Variants in RBFOX1 observed in about 807,000 individuals in gnomAD.
RBFOX1 encodes the protein RNA binding protein fox-1 homolog 1.
In RBFOX1, 8 loss-of-function variants were observed where a neutral mutation model predicts 57.7. That is an observed-to-expected ratio of 0.14 (90% CI 0.08 to 0.25). The LOEUF (loss-of-function observed/expected upper bound fraction) is 0.25, where lower values mean the gene tolerates loss of function less well. Among genes scored for constraint, RBFOX1 ranks in the 10% least tolerant of loss-of-function variants. The pLI is 1.00. For synonymous variants in RBFOX1, 326 were observed against 222.4 expected (o/e 1.47, Z -4.15); for missense variants, 611 against 548.5 (o/e 1.11, Z -1.14).
In RBFOX1 at chr16:6,928,331, C is replaced by T. The variant is rs1001321585; in HGVS notation, c.-15-123726C>T. 5.9e-5 allele frequency among the ~76,000 whole-genome samples: 9 copies of T among 152,068 alleles called. No individual in the cohort carries two copies. The South Asian group carries it at 6.2e-4, about 11-fold the overall frequency. ...GGGACAAAGGCGATCTGGAGGAAGA[C>T]GGGGCGGGGAAAGAAAAGAGGAAAA... On this transcript the variant is annotated intron_variant, in intron 3 of 15. Transcript: ENST00000550418.
chr16:6,063,290 A>G (rs572773669), intron 1 of RBFOX1, among the ~76,000 whole-genome samples: 4 of 152,232 alleles, frequency 2.6e-5, no homozygotes, highest in East Asian at 3.9e-4. Context: ...TTGAGTTTCA[A>G]TTGAGTCTCC....
chr16:5,815,755 A>G (rs951780816), intron 3 of RBFOX1, among the ~76,000 whole-genome samples: 1 of 152,162 alleles, frequency 6.6e-6, no homozygotes, highest in Non-Finnish European at 1.5e-5. Context: ...AAATCACCCC[A>G]CGCTTCCGAA....
chr16:5,967,800 C>G (rs1002051035), intron 4 of RBFOX1, among the ~76,000 whole-genome samples: 6 of 152,256 alleles, frequency 3.9e-5, no homozygotes, highest in Admixed American at 3.3e-4. Flanking sequence ...TTATAATACT[C>G]AGACTACGTC....
intron 3 of RBFOX1, among the ~76,000 whole-genome samples, chr16:6,836,747 A>T (rs891433420): frequency 6.6e-6 from 1 of 152,162 alleles, no homozygotes; most frequent in Non-Finnish European, 1.5e-5. Flanking sequence ...TTATTTTCTT[A>T]AAGTATAACA....
At chr16:5,438,198 A>T (rs965809992) in intron 1 of RBFOX1, among the ~76,000 whole-genome samples, 1 of 152,212 alleles carries the variant, frequency 6.6e-6, no homozygotes, top group Non-Finnish European at 1.5e-5. Flanking sequence ...ACAAAACTAG[A>T]GGAAGGCTCA....
At chr16:6,091,142 T>G (rs1000410821) in intron 1 of RBFOX1, among the ~76,000 whole-genome samples, 1 of 152,210 alleles carries the variant, frequency 6.6e-6, no homozygotes, top group African/African-American at 2.4e-5. Context: ...TGTGGAACAT[T>G]AAAACTCACT....
intron 1 of RBFOX1, among the ~76,000 whole-genome samples, chr16:5,271,794 C>A (rs2063016021): frequency 6.6e-6 from 1 of 152,172 alleles, no homozygotes; most frequent in Non-Finnish European, 1.5e-5. Flanking sequence ...GTCCTACTCT[C>A]TATTTCTGTG....
intron 5 of RBFOX1, among the ~76,000 whole-genome samples, chr16:7,566,316 C>T (rs1354292522): frequency 6.6e-6 from 1 of 152,130 alleles, no homozygotes; most frequent in Non-Finnish European, 1.5e-5. Context: ...CACCTCACTG[C>T]TCTGTTTCCA....
At chr16:5,832,661 G>A (rs1250978216) in intron 3 of RBFOX1, among the ~76,000 whole-genome samples, 3 of 152,200 alleles carry the variant, frequency 2.0e-5, no homozygotes, top group Admixed American at 6.5e-5. Flanking sequence ...GTGTGCAATT[G>A]TGGGTCAATT....
At chr16:7,364,292 G>A (rs970403462) in intron 4 of RBFOX1, among the ~76,000 whole-genome samples, 1 of 151,984 alleles carries the variant, frequency 6.6e-6, no homozygotes, top group Non-Finnish European at 1.5e-5. Context: ...TATGAGATCT[G>A]TTTATCTTGC....
Position 5,294,492 on chromosome 16 carries a change from G to A in RBFOX1, c.219+54387G>A, listed in dbSNP as rs557134235. On this transcript the variant is annotated intron_variant, in intron 1 of 2. Coordinates refer to the RBFOX1 transcript ENST00000585867. ...ATCTTTGAGGGGTAATTTTTACAAT[G>A]CAGTCTAACAACCGGCTGCCTCAAA... 5.9e-5 allele frequency among the ~76,000 whole-genome samples: 9 copies of A among 152,176 alleles called. No homozygotes were observed. In the South Asian group the frequency reaches 1.9e-3, roughly 32 times the overall value.
At chr16:7,673,188 C>G (rs1169878078) in intron 13 of RBFOX1, among the ~76,000 whole-genome samples, 1 of 152,098 alleles carries the variant, frequency 6.6e-6, no homozygotes, top group South Asian at 2.1e-4. Flanking sequence ...CACTGTTTGG[C>G]CGGTAGAACA....
chr16:6,602,214 G>A (rs560083497), intron 2 of RBFOX1, among the ~76,000 whole-genome samples: 2 of 151,844 alleles, frequency 1.3e-5, no homozygotes, highest in Non-Finnish European at 2.9e-5. Flanking sequence ...TACATTCTCG[G>A]TATTCATTCC....
At chr16:6,457,438 TC>T (rs60318595) in intron 2 of RBFOX1, among the ~76,000 whole-genome samples, 21 of 54,230 alleles carry the variant, frequency 3.9e-4, no homozygotes, top group East Asian at 1.5e-3. Context: ...TTTCCGGAAG[TC>T]CCCCCCCCCG....
At chr16:5,705,151 C>G (rs933876782) in intron 3 of RBFOX1, among the ~76,000 whole-genome samples, 1 of 152,140 alleles carries the variant, frequency 6.6e-6, no homozygotes, top group Non-Finnish European at 1.5e-5. Flanking sequence ...TTCCTGCAAC[C>G]TTTGATCTTT....
intron 3 of RBFOX1, among the ~76,000 whole-genome samples, chr16:6,960,250 T>C (rs1271084711): frequency 6.6e-6 from 1 of 152,158 alleles, no homozygotes; most frequent in Middle Eastern, 3.2e-3. Context: ...GTAAATTTAC[T>C]GAGGCTGCAG....
chr16:5,952,351 A>T (rs927396586), intron 4 of RBFOX1, among the ~76,000 whole-genome samples: 1 of 151,970 alleles, frequency 6.6e-6, no homozygotes, highest in Non-Finnish European at 1.5e-5. Flanking sequence ...GGGTTTCACC[A>T]TGTTGACCAG....
At chr16:6,904,599 T>TAAAAAAAAAAAAA in intron 3 of RBFOX1, among the ~76,000 whole-genome samples, 1 of 64,032 alleles carries the variant, frequency 1.6e-5, no homozygotes, top group Non-Finnish European at 2.8e-5. Flanking sequence ...AGACTCTCTC[T>TAAAAAAAAAAAAA]AAAAAAAAAA....
At chr16:6,009,156 C>G (rs148511268) in intron 4 of RBFOX1, among the ~76,000 whole-genome samples, 2 of 151,094 alleles carry the variant, frequency 1.3e-5, no homozygotes, top group African/African-American at 2.4e-5. Flanking sequence ...CTTGTGCACA[C>G]GGGTTCACAA....
Sources: allele counts gnomAD v4.1 joint callset (sites outside exome capture counted in the v4.1 genomes callset), GRCh38; gene constraint gnomAD v4.1.1; transcripts MANE v1.5; gene names NCBI Gene and HGNC (gene_info 2026-07-23, HGNC 2026-07-21).